The following BICDL1 variants were observed in gnomAD, a reference collection of about 807,000 sequenced individuals.
BICDL1 encodes the protein BICD family-like cargo adapter 1.
A neutral mutation model predicts 76.8 loss-of-function variants in BICDL1; 20 were observed. The observed-to-expected ratio is 0.26, with a 90% CI of 0.18 to 0.38. The LOEUF is 0.38. Ranked by LOEUF, BICDL1 falls within the 10% of genes least tolerant of loss-of-function variation. BICDL1 has a pLI of 1.00. For missense variants in BICDL1, 700 were observed against 798.6 expected (o/e 0.88, Z 1.49); for synonymous variants, 383 against 337.1 (o/e 1.14, Z -1.49).
At chr12:119,999,060 C>T (rs1015203529) in intron 2 of BICDL1, among the ~76,000 whole-genome samples, 3 of 66,474 alleles carry the variant, frequency 4.5e-5, no homozygotes, top group African/African-American at 2.2e-4. Context: ...CAGCCTGTCT[C>T]GGAAAAAAAA....
chr12:120,025,158 C>T (rs1449000758), intron 2 of BICDL1, among the ~76,000 whole-genome samples: 2 of 150,694 alleles, frequency 1.3e-5, no homozygotes, highest in Non-Finnish European at 2.9e-5. Context: ...TCACACCATT[C>T]TCCCGCCTCA....
chr12:120,029,774 C>T (rs560178839), intron 2 of BICDL1, among the ~76,000 whole-genome samples: 47 of 152,208 alleles, frequency 3.1e-4, no homozygotes, highest in African/African-American at 1.1e-3. Flanking sequence ...CCTGCCTCAG[C>T]CTCCCAGGTA....
chr12:120,072,570 A>T lies in BICDL1; in HGVS notation c.1149A>T (p.Arg383=). ...TTCGCTATCTGTGCTCACACCTTCG[A>T]GGCAATGACAGTGCTGACTCAGCCG... ...CQVRYLCSHL[R]GNDSADSAVS... The change falls in exon 6 of 10, where the codon CGA becomes CGT. Residue 383 remains arginine, a synonymous_variant. Transcript: ENST00000548673. 6.2e-7 allele frequency: 1 copy of T among 1,614,168 alleles called. No homozygotes were observed. The highest frequency in any genetic ancestry group is 8.5e-7 in the Non-Finnish European group (1 of 1,180,022).
intron 4 of BICDL1, among the ~76,000 whole-genome samples, chr12:120,067,197 G>A (rs774799272): frequency 1.9e-4 from 29 of 152,208 alleles, no homozygotes; most frequent in Non-Finnish European, 4.0e-4. Flanking sequence ...CCACTTAACT[G>A]CCCTGTCTCA....
chr12:120,028,387 G>T (rs1399829533), intron 2 of BICDL1, among the ~76,000 whole-genome samples: 1 of 151,438 alleles, frequency 6.6e-6, no homozygotes, highest in African/African-American at 2.4e-5. Context: ...AAAAAAAATA[G>T]ATATTGGCTG....
At chr12:120,072,016 C>G (rs949672060) in intron 5 of BICDL1, among the ~76,000 whole-genome samples, 1 of 152,232 alleles carries the variant, frequency 6.6e-6, no homozygotes, top group African/African-American at 2.4e-5. Context: ...AGGCATTGAG[C>G]AGAATTGCTA....
chr12:120,013,637 T>C (rs1222681904), intron 2 of BICDL1, among the ~76,000 whole-genome samples: 1 of 152,060 alleles, frequency 6.6e-6, no homozygotes, highest in Non-Finnish European at 1.5e-5. Flanking sequence ...AATTTTTGTA[T>C]TTTTAGTAGA....
intron 4 of BICDL1, among the ~76,000 whole-genome samples, chr12:120,068,547 G>A (rs1281421708): frequency 6.6e-6 from 1 of 152,238 alleles, no homozygotes; most frequent in African/African-American, 2.4e-5. Flanking sequence ...CGGGCGTGGT[G>A]GCTTACGCCT....
intron 2 of BICDL1, among the ~76,000 whole-genome samples, chr12:120,031,453 C>G (rs1952422592): frequency 6.6e-6 from 1 of 152,280 alleles, no homozygotes; most frequent in Middle Eastern, 3.4e-3. Flanking sequence ...ATCTGCCCGC[C>G]TCAGCCTCCC....
intron 8 of BICDL1, among the ~76,000 whole-genome samples, chr12:120,083,417 C>A (rs2138995385): frequency 6.6e-6 from 1 of 152,166 alleles, no homozygotes; most frequent in South Asian, 2.1e-4. Context: ...CGCCACCACA[C>A]CTGGCTAGTT....
chr12:120,030,521 G>C (rs1952400712), intron 2 of BICDL1, among the ~76,000 whole-genome samples: 1 of 152,158 alleles, frequency 6.6e-6, no homozygotes, highest in Non-Finnish European at 1.5e-5. Context: ...GCATTTCCGT[G>C]ATCAAAACCC....
intron 8 of BICDL1, among the ~76,000 whole-genome samples, chr12:120,089,271 C>CGTGTGT (rs138992612): frequency 2.0e-5 from 3 of 146,718 alleles, no homozygotes; most frequent in Admixed American, 6.7e-5. Flanking sequence ...CCTTTTTCAA[C>CGTGTGT]GTGTGTGTGT....
chr12:120,021,884 A>T (rs1174438650), intron 2 of BICDL1, among the ~76,000 whole-genome samples: 2 of 151,218 alleles, frequency 1.3e-5, no homozygotes, highest in Non-Finnish European at 2.9e-5. Flanking sequence ...CAGCCTATGC[A>T]ACAGAGCGAG....
At chr12:120,063,845 G>C (rs1953159714) in intron 3 of BICDL1, among the ~76,000 whole-genome samples, 1 of 152,120 alleles carries the variant, frequency 6.6e-6, no homozygotes, top group South Asian at 2.1e-4. Flanking sequence ...TTTGAGTGAA[G>C]CATCCCTGGC....
chr12:120,004,056 A>G (rs1008299910), intron 2 of BICDL1, among the ~76,000 whole-genome samples: 4 of 152,214 alleles, frequency 2.6e-5, no homozygotes, highest in African/African-American at 9.6e-5. Context: ...GGAAAGCTGA[A>G]TGGTGATTGC....
At chr12:120,069,848 C>G (rs558400231) in intron 4 of BICDL1, among the ~76,000 whole-genome samples, 1 of 152,334 alleles carries the variant, frequency 6.6e-6, no homozygotes, top group South Asian at 2.1e-4. Context: ...TCCTCAAAAG[C>G]AAACCTCTAC....
intron 8 of BICDL1, among the ~76,000 whole-genome samples, chr12:120,088,491 G>A (rs570746642): frequency 1.1e-4 from 16 of 151,608 alleles, no homozygotes; most frequent in African/African-American, 3.9e-4. Flanking sequence ...CGAGTAGCTG[G>A]GATTACAGGC....
rs551039606 is a variant in BICDL1 at position 120,094,187 on chromosome 12, C to G, written c.*1026C>G. ...GCTGCTCCTGCCTCTGCAGCCGCCC[C>G]TCCTCCTCCACCCAGGCCCCAACTC... On this transcript the variant is annotated 3_prime_UTR_variant, in exon 10 of 10. Transcript: ENST00000548673. 3 of 449,170 alleles carry G rather than the reference C, an allele frequency of 6.7e-6. No individual in the cohort carries two copies. The highest frequency in any genetic ancestry group is 1.4e-5 in the Non-Finnish European group (3 of 222,096). The allele number at this position is 449,170 out of a possible 1,614,324, so 27.8% of individuals were successfully genotyped here.
At chr12:120,080,753 C>A in intron 7 of BICDL1, 134 bp from the exon 8 acceptor site, 2 of 811,308 alleles carry the variant, frequency 2.5e-6, no homozygotes, top group Non-Finnish European at 3.7e-6. Context: ...AGCAGGATGG[C>A]AGTGGAATGC....
Sources: allele counts gnomAD v4.1 joint callset (sites outside exome capture counted in the v4.1 genomes callset), GRCh38; gene constraint gnomAD v4.1.1; transcripts MANE v1.5; gene names NCBI Gene and HGNC (gene_info 2026-07-23, HGNC 2026-07-21).